Variants in NAP1L1 observed in about 807,000 individuals in gnomAD.
NAP1L1 encodes the protein nucleosome assembly protein 1 like 1, also known as nucleosome assembly protein 1-like 1.
Under a neutral mutation model 58.9 loss-of-function variants are expected in NAP1L1, and 9 were observed. The ratio of observed to expected loss-of-function variants is 0.15; its 90% CI spans 0.09 to 0.27. NAP1L1 has a LOEUF of 0.27. Ranked by LOEUF, NAP1L1 falls within the 10% of genes least tolerant of loss-of-function variation. The pLI, the probability that NAP1L1 is intolerant of heterozygous loss-of-function variation, is 1.00. For missense variants in NAP1L1, 302 were observed against 458.8 expected, an observed-to-expected ratio of 0.66 and a Z score of 3.12; for synonymous variants, 130 against 138.3, an observed-to-expected ratio of 0.94 and a Z score of 0.42.
Position 76,068,956 on chromosome 12 carries a change from A to G in NAP1L1, c.56T>C (p.Val19Ala). ...AGTTTCCTCTTCTTCTACTTCTTCAACATCATCCAAATCTTGATCAAGTTC... is the reference window on the plus strand; with the variant it reads ...AGTTTCCTCTTCTTCTACTTCTTCAGCATCATCCAAATCTTGATCAAGTTC... ...QSELDQDLDD[V>A]EEVEEEETGE... The change falls in exon 3 of 15, where the codon GTT becomes GCT. Residue 19 changes from valine to alanine, a missense_variant. Transcript: ENST00000618691. The G allele has an allele frequency of 6.2e-7, 1 of 1,613,420 alleles. No individual in the cohort carries two copies. The highest frequency in any genetic ancestry group is 8.5e-7 in the Non-Finnish European group (1 of 1,179,708).
At chr12:76,056,614 G>A in intron 6 of NAP1L1, 1 of 455,842 alleles carries the variant, frequency 2.2e-6, no homozygotes, top group South Asian at 1.5e-5. Context: ...ATTATTCATT[G>A]TGGGCAAGTC....
Position 76,042,345 on chromosome 12 carries a change from T to C in NAP1L1, c.*6084A>G, listed in dbSNP as rs1021531074. 2 of 152,220 alleles carry C rather than the reference T, an allele frequency of 1.3e-5. No homozygotes were observed. Among genetic ancestry groups the C allele is most frequent in the African/African-American group, 4.8e-5 (2 of 41,458 alleles). 9.4% of individuals were successfully genotyped at this position (152,220 alleles called of 1,614,324 possible). A position where few individuals can be genotyped will look rare whatever the true frequency, so the allele number is the denominator to read the frequency against. On this transcript the variant is annotated 3_prime_UTR_variant, in exon 15 of 15. Coordinates refer to ENST00000618691, the MANE Select transcript of NAP1L1 (RefSeq NM_004537.7). ...TAATGTTCACCACGATCTTTCGCAA[T>C]ACAGATGAAAAGACTGATGCTGAAC...
intron 6 of NAP1L1, among the ~76,000 whole-genome samples, chr12:76,059,317 C>T (rs1949294105): frequency 6.6e-6 from 1 of 152,220 alleles, no homozygotes; most frequent in Non-Finnish European, 1.5e-5. Context: ...CATCATCGTT[C>T]TGAGAGGAAG....
chr12:76,072,081 A>G (rs1001620467), intron 2 of NAP1L1, among the ~76,000 whole-genome samples: 5 of 151,112 alleles, frequency 3.3e-5, no homozygotes, highest in East Asian at 1.9e-4. Flanking sequence ...TTTCCAATCA[A>G]TTTTCTTTTT....
At chr12:76,075,579 A>G (rs1328403283) in intron 1 of NAP1L1, among the ~76,000 whole-genome samples, 1 of 152,190 alleles carries the variant, frequency 6.6e-6, no homozygotes, top group African/African-American at 2.4e-5. Flanking sequence ...AATATTTTGT[A>G]TTTGTTATAA....
chr12:76,053,905 A>G lies in NAP1L1; in HGVS notation c.635T>C (p.Phe212Ser). The change falls in exon 9 of 15, where the codon TTT becomes TCT. Residue 212 changes from phenylalanine (F) to serine (S), a missense_variant. Phe to Ser is a radical substitution (Grantham distance 155, BLOSUM62 -2). Transcript: ENST00000618691. ...KFSDAGQPMS[F>S]VLEFHFEPNE... ...GGGTTCAAAGTGAAATTCTAAGACA[A>G]AACTCTGGGGAGAGGAAGCATAAAA... The G allele has an allele frequency of 6.3e-7, 1 of 1,597,016 alleles. No individual in the cohort carries two copies. The highest frequency in any genetic ancestry group is 8.5e-7 in the Non-Finnish European group (1 of 1,175,570).
At chr12:76,049,652 T>G in intron 13 of NAP1L1, 104 bp downstream of exon 13, 1 of 1,549,902 alleles carries the variant, frequency 6.5e-7, no homozygotes, top group Non-Finnish European at 8.8e-7. Flanking sequence ...AATGTTTTTA[T>G]CCCAAATCAC....
chr12:76,072,761 G>C (rs1360907993), intron 2 of NAP1L1, among the ~76,000 whole-genome samples: 1 of 152,156 alleles, frequency 6.6e-6, no homozygotes, highest in Non-Finnish European at 1.5e-5. Flanking sequence ...GAAGCAAGGT[G>C]ACAATGGAGC....
At chr12:76,056,559 G>T (rs755291063) in intron 6 of NAP1L1, 1 of 450,828 alleles carries the variant, frequency 2.2e-6, no homozygotes, top group South Asian at 1.6e-5. Context: ...ATGCTAGAGA[G>T]GTGGAACACT....
At position 76,066,495 on chromosome 12, in the gene NAP1L1, C is replaced by A. The variant is rs1949679017; in HGVS notation, c.206+876G>T. Among the ~76,000 whole-genome samples, 6 of 151,750 alleles carry A rather than the reference C, an allele frequency of 4.0e-5. No individual in the cohort carries two copies. In the South Asian group the frequency reaches 1.2e-3, roughly 32 times the overall value. ...CATTAAAAAAAAGTTGCAATCCCAA[C>A]AAGAAAGTGGAAAAAGGGTACCAAT... On this transcript the variant is annotated intron_variant, in intron 4 of 14. Coordinates refer to ENST00000618691, the MANE Select transcript of NAP1L1 (RefSeq NM_004537.7).
intron 11 of NAP1L1, among the ~76,000 whole-genome samples, chr12:76,052,024 T>A (rs553804706): frequency 4.6e-4 from 69 of 151,100 alleles, no homozygotes; most frequent in Admixed American, 1.3e-3. Flanking sequence ...AAAAAAAAAA[T>A]AATAATAATA....
rs562758133 is a variant in NAP1L1, at chr12:76,048,099, T to TA, written c.*329dup. On this transcript the variant is annotated 3_prime_UTR_variant, in exon 15 of 15. Coordinates refer to ENST00000618691, the MANE Select transcript of NAP1L1 (RefSeq NM_004537.7). ...TACTTTGGTTCTTCAAGGAAAAAAT[T>TA]ACAAAAAAAAAAAAAAGGTATTTCC... 28 of 261,076 alleles carry TA rather than the reference T, an allele frequency of 1.1e-4. No individual in the cohort carries two copies. In the South Asian group the frequency reaches 1.4e-3, roughly 13 times the overall value. The allele number at this position is 261,076 out of a possible 1,614,324, so 16.2% of individuals were successfully genotyped here.
At chr12:76,073,441 T>C (rs1040058139) in intron 2 of NAP1L1, among the ~76,000 whole-genome samples, 1 of 152,172 alleles carries the variant, frequency 6.6e-6, no homozygotes, top group Non-Finnish European at 1.5e-5. Flanking sequence ...ACATGCCAAC[T>C]TGATTAAACC....
chr12:76,071,700 G>A (rs970126098), intron 2 of NAP1L1, among the ~76,000 whole-genome samples: 2 of 151,998 alleles, frequency 1.3e-5, no homozygotes, highest in African/African-American at 4.8e-5. Context: ...AGAGAAGGTC[G>A]CTAAAACAAG....
At chr12:76,051,001 C>CG (rs990186654) in intron 11 of NAP1L1, among the ~76,000 whole-genome samples, 8 of 82,514 alleles carry the variant, frequency 9.7e-5, no homozygotes, top group African/African-American at 5.5e-4. Context: ...CCTGGGCAAC[C>CG]GAAAAAAAAA....
rs1206477397 is a variant in NAP1L1 at position 76,041,638 on chromosome 12, T to C, written c.*6791A>G. 2 of 152,182 alleles carry C rather than the reference T, an allele frequency of 1.3e-5. No homozygotes were observed. Among genetic ancestry groups the C allele is most frequent in the Non-Finnish European group, 2.9e-5 (2 of 68,038 alleles). The allele number at this position is 152,182 out of a possible 1,614,324, so 9.4% of individuals were successfully genotyped here. ...AGCTCCCACTTGTAAGCATAGCACCTCAGGAGGTTGAGGTGAGACAACCAC... is the reference window on the plus strand; with the variant it reads ...AGCTCCCACTTGTAAGCATAGCACCCCAGGAGGTTGAGGTGAGACAACCAC... On this transcript the variant is annotated 3_prime_UTR_variant, in exon 15 of 15. Coordinates refer to ENST00000618691, the MANE Select transcript of NAP1L1 (RefSeq NM_004537.7).
chr12:76,055,527 A>G (rs888657769), intron 7 of NAP1L1, among the ~76,000 whole-genome samples: 14 of 152,214 alleles, frequency 9.2e-5, no homozygotes, highest in Non-Finnish European at 1.9e-4. Context: ...CAATGACAAG[A>G]CAGGGCAACA....
intron 1 of NAP1L1, among the ~76,000 whole-genome samples, chr12:76,077,980 C>CAAAAA (rs58558132): frequency 4.6e-5 from 3 of 65,918 alleles, no homozygotes; most frequent in Admixed American, 2.1e-4. Flanking sequence ...GACCCTGTCT[C>CAAAAA]AAAAAAAAAA....
At chr12:76,056,293 C>T (rs1045335971) in intron 6 of NAP1L1, 132 bp from the exon 7 acceptor site, 23 of 878,514 alleles carry the variant, frequency 2.6e-5, no homozygotes, top group Non-Finnish European at 3.6e-5. Flanking sequence ...GTGTAAACAC[C>T]GCCGTTGCCC....
Sources: allele counts gnomAD v4.1 joint callset (sites outside exome capture counted in the v4.1 genomes callset), GRCh38; gene constraint gnomAD v4.1.1; transcripts MANE v1.5; gene names NCBI Gene and HGNC (gene_info 2026-07-23, HGNC 2026-07-21).